Variants in KDM4C observed in about 807,000 individuals in gnomAD.
KDM4C encodes lysine demethylase 4C, also known as lysine-specific demethylase 4C.
Under a neutral mutation model 129.3 loss-of-function variants are expected in KDM4C, and 81 were observed. The observed-to-expected ratio is 0.63, with a 90% CI of 0.52 to 0.75. The LOEUF is 0.75. KDM4C is among the 30% of genes least tolerant of loss of function. The pLI is 0.00. For missense variants in KDM4C, 1,457 were observed against 1,304.0 expected (o/e 1.12, Z -1.81); for synonymous variants, 573 against 456.1 (o/e 1.26, Z -3.26).
chr9:6,774,430 C>T (rs1041912872), intron 1 of KDM4C, among the ~76,000 whole-genome samples: 1 of 151,988 alleles, frequency 6.6e-6, no homozygotes, highest in Admixed American at 6.6e-5. Flanking sequence ...TTTGGGAGGC[C>T]GAGGTGTGCG....
chr9:6,883,104 T>A (rs1410284453), intron 6 of KDM4C, among the ~76,000 whole-genome samples: 1 of 152,198 alleles, frequency 6.6e-6, no homozygotes, highest in Non-Finnish European at 1.5e-5. Flanking sequence ...AATAAATAAA[T>A]CATTTTAATT....
At chr9:7,116,546 T>C (rs1172946116) in intron 18 of KDM4C, among the ~76,000 whole-genome samples, 2 of 152,194 alleles carry the variant, frequency 1.3e-5, no homozygotes, top group Non-Finnish European at 2.9e-5. Flanking sequence ...CATACCTCTC[T>C]TTCATGCACA....
intron 4 of KDM4C, among the ~76,000 whole-genome samples, chr9:6,844,014 T>C (rs971201605): frequency 2.6e-5 from 4 of 152,132 alleles, no homozygotes; most frequent in Admixed American, 6.5e-5. Context: ...TTAAAATTTT[T>C]GGTAGAGATG....
At chr9:7,115,388 G>A (rs1469835699) in intron 18 of KDM4C, among the ~76,000 whole-genome samples, 4 of 152,060 alleles carry the variant, frequency 2.6e-5, no homozygotes, top group African/African-American at 9.7e-5. Context: ...AAATTAAGTA[G>A]TGACACTAAT....
chr9:6,758,469 C>T lies in KDM4C; in HGVS notation c.-18+266C>T, dbSNP rs1818713511. 6.6e-6 allele frequency among the ~76,000 whole-genome samples: 1 copy of T among 152,236 alleles called. No homozygotes were observed. Among genetic ancestry groups the T allele is most frequent in the Non-Finnish European group, 1.5e-5 (1 of 68,038 alleles). ...TTCGGTACCCGCGCTCGCCGTTTTC[C>T]CGGGATCCGGAGTCGGGGTCGCCTC... On this transcript the variant is annotated intron_variant, in intron 1 of 21. Coordinates refer to ENST00000381309, the MANE Select transcript of KDM4C (RefSeq NM_015061.6). The surrounding 1 kb of genome is among the most constrained non-coding windows in gnomAD (Gnocchi z 4.6).
chr9:6,984,611 G>C (rs1394628396), intron 10 of KDM4C, among the ~76,000 whole-genome samples: 1 of 151,680 alleles, frequency 6.6e-6, no homozygotes, highest in African/African-American at 2.4e-5. Flanking sequence ...AGAATTGTGA[G>C]ACAAGCAGTC....
At chr9:7,028,131 C>T (rs1436831807) in intron 15 of KDM4C, among the ~76,000 whole-genome samples, 1 of 152,088 alleles carries the variant, frequency 6.6e-6, no homozygotes, top group Non-Finnish European at 1.5e-5. Context: ...CCTTTACTTT[C>T]CCCCCTACTT....
At chr9:7,097,941 G>A (rs1039837808) in intron 17 of KDM4C, among the ~76,000 whole-genome samples, 2 of 152,242 alleles carry the variant, frequency 1.3e-5, no homozygotes, top group African/African-American at 4.8e-5. Context: ...GTTAATGGCT[G>A]TTTATGTGTT....
chr9:6,997,660 T>G (rs1820011529), intron 12 of KDM4C, among the ~76,000 whole-genome samples: 1 of 152,326 alleles, frequency 6.6e-6, no homozygotes, highest in African/African-American at 2.4e-5. Flanking sequence ...AGTCTTGACT[T>G]TGTGCTTTAT....
intron 15 of KDM4C, among the ~76,000 whole-genome samples, chr9:7,035,813 C>G (rs988383061): frequency 6.6e-6 from 1 of 152,094 alleles, no homozygotes; most frequent in Non-Finnish European, 1.5e-5. Flanking sequence ...GGGGTAATTT[C>G]TGGGCTCTCT....
intron 18 of KDM4C, among the ~76,000 whole-genome samples, chr9:7,124,708 G>T (rs1839855577): frequency 6.6e-6 from 1 of 152,092 alleles, no homozygotes; most frequent in African/African-American, 2.4e-5. Flanking sequence ...TCTTACTGTT[G>T]TGCTTTGTCA....
At chr9:7,129,923 C>T (rs1014530928) in intron 19 of KDM4C, among the ~76,000 whole-genome samples, 2 of 152,118 alleles carry the variant, frequency 1.3e-5, no homozygotes, top group African/African-American at 2.4e-5. Flanking sequence ...CAAGGTCACA[C>T]ATAATTAAGA....
At chr9:6,868,800 T>C (rs1472150595) in intron 5 of KDM4C, among the ~76,000 whole-genome samples, 1 of 152,142 alleles carries the variant, frequency 6.6e-6, no homozygotes, top group Non-Finnish European at 1.5e-5. Context: ...GCATGTATTA[T>C]ATGTTGAGTA....
intron 17 of KDM4C, among the ~76,000 whole-genome samples, chr9:7,097,138 A>C (rs529829484): frequency 2.6e-5 from 4 of 151,992 alleles, no homozygotes; most frequent in African/African-American, 9.7e-5. Flanking sequence ...CTCACAGTCT[A>C]CTTCTTCTTA....
rs548699513 is a variant in KDM4C at position 6,858,672 on chromosome 9, C to T, written c.629+8972C>T. On this transcript the variant is annotated intron_variant, in intron 5 of 21. Coordinates refer to ENST00000381309, the MANE Select transcript of KDM4C (RefSeq NM_015061.6). ...CCTGTAATCCCAGCTACTCAAGAGGCTGTAGCATGAGAATCGCTTCACCTG... is the reference window on the plus strand; with the variant it reads ...CCTGTAATCCCAGCTACTCAAGAGGTTGTAGCATGAGAATCGCTTCACCTG... Among the ~76,000 whole-genome samples, 13 of 152,076 alleles carry T rather than the reference C, an allele frequency of 8.5e-5. No homozygotes were observed. The South Asian group carries it at 1.9e-3, about 22-fold the overall frequency.
chr9:6,888,531 C>G (rs1845624222), intron 7 of KDM4C, among the ~76,000 whole-genome samples: 3 of 152,122 alleles, frequency 2.0e-5, no homozygotes, highest in Admixed American at 2.0e-4. Flanking sequence ...ATTTAATAAT[C>G]TGATATTGCT....
At chr9:7,092,116 T>A (rs1835877275) in intron 17 of KDM4C, among the ~76,000 whole-genome samples, 1 of 152,138 alleles carries the variant, frequency 6.6e-6, no homozygotes, top group Admixed American at 6.5e-5. Context: ...CTGCTGTTTC[T>A]TTTTTCTTCT....
At chr9:7,068,388 G>T (rs762909612) in intron 17 of KDM4C, among the ~76,000 whole-genome samples, 3 of 152,136 alleles carry the variant, frequency 2.0e-5, no homozygotes, top group Non-Finnish European at 4.4e-5. Context: ...TATACAATTT[G>T]ATCACCTCAA....
chr9:7,046,835 T>G, intron 15 of KDM4C, 27 bp from the exon 16 acceptor site: 1 of 1,544,166 alleles, frequency 6.5e-7, no homozygotes, highest in Non-Finnish European at 9.0e-7. Flanking sequence ...GGTCTGGTCA[T>G]CATGTGGTAT....
Sources: gnomAD v4.1 joint callset for allele counts (sites outside exome capture counted in the v4.1 genomes callset) on GRCh38, gnomAD v4.1.1 for gene constraint, Gnocchi (gnomAD v3.1) non-coding constraint, MANE v1.5 for transcripts, NCBI Gene and HGNC (gene_info 2026-07-23, HGNC 2026-07-21) for gene names.